TEX101: variants seen among roughly 807,000 people sequenced by gnomAD.
The protein encoded by TEX101 is testis-expressed protein 101.
A neutral mutation model predicts 18.1 loss-of-function variants in TEX101; 10 were observed. The observed-to-expected ratio is 0.55, with a 90% CI of 0.34 to 0.94. The LOEUF (loss-of-function observed/expected upper bound fraction) is 0.94. TEX101 is among the 40% of genes least tolerant of loss of function. The pLI is 0.02. For missense variants in TEX101, 259 were observed against 298.9 expected (o/e 0.87, Z 0.98); for synonymous variants, 94 against 114.8 (o/e 0.82, Z 1.16).
chr19:43,392,979 A>T, the TEX101 span, among the ~76,000 whole-genome samples: 6 of 152,040 alleles, frequency 3.9e-5, no homozygotes, highest in East Asian at 1.2e-3. Context: ...AGTCACTTGA[A>T]CCCAGGAGGC....
At chr19:43,394,587 C>G in the TEX101 span, among the ~76,000 whole-genome samples, 2 of 152,054 alleles carry the variant, frequency 1.3e-5, no homozygotes, top group Middle Eastern at 3.4e-3. Flanking sequence ...TCTCCTGCCT[C>G]GGCCTCTGGA....
the TEX101 span, among the ~76,000 whole-genome samples, chr19:43,391,067 C>T: frequency 6.6e-6 from 1 of 152,196 alleles, no homozygotes; most frequent in African/African-American, 2.4e-5. Context: ...GTTGAAGCAC[C>T]ATCAGAACCA....
the TEX101 span, among the ~76,000 whole-genome samples, chr19:43,394,510 G>A: frequency 8.8e-5 from 13 of 148,118 alleles, no homozygotes; most frequent in African/African-American, 1.8e-4. Context: ...TCACTCTGTC[G>A]CCCAGGCTGG....
At chr19:43,403,333 G>A (rs1970333920) in intron 2 of TEX101, among the ~76,000 whole-genome samples, 1 of 152,176 alleles carries the variant, frequency 6.6e-6, no homozygotes, top group Non-Finnish European at 1.5e-5. Context: ...ACTTCATGCT[G>A]TATCAGTGAA....
At chr19:43,390,703 G>A in the TEX101 span, among the ~76,000 whole-genome samples, 1 of 151,614 alleles carries the variant, frequency 6.6e-6, no homozygotes, top group Non-Finnish European at 1.5e-5. Flanking sequence ...TCCTGACCTC[G>A]TGATCTGCCT....
chr19:43,410,694 A>G (rs1970411111), upstream of TEX101, among the ~76,000 whole-genome samples: 1 of 152,040 alleles, frequency 6.6e-6, no homozygotes, highest in South Asian at 2.1e-4. Context: ...ACACATGCCC[A>G]TGCACACATG....
chr19:43,414,415 G>A (rs976616009), upstream of TEX101, among the ~76,000 whole-genome samples: 3 of 152,162 alleles, frequency 2.0e-5, no homozygotes, highest in Admixed American at 2.0e-4. Flanking sequence ...AGACGCCTGG[G>A]CTGCACAGGG....
the TEX101 span, among the ~76,000 whole-genome samples, chr19:43,394,314 A>G: frequency 3.3e-5 from 5 of 152,030 alleles, no homozygotes; most frequent in Admixed American, 6.6e-5. Flanking sequence ...CTTGAGATGT[A>G]AGCAGATCCT....
In TEX101 at chr19:43,418,206, G is replaced by C. The variant is rs1031846674; in HGVS notation, c.559G>C (p.Ala187Pro). ...GTCTGTGGAGGTCAAAGGCTGTACA[G>C]CCATGATTGGCTGCAGGCTGATGTC... Reference protein sequence around the residue: ...ESSVEVKGCTAMIGCRLMSGI... With the variant: ...ESSVEVKGCTPMIGCRLMSGI... Residue 187 changes from alanine to proline, a missense_variant, in exon 6 of 6, where the codon GCC becomes CCC. By Grantham distance (27) the Ala-to-Pro change is conservative. Coordinates refer to ENST00000598265, the MANE Select transcript of TEX101 (RefSeq NM_001130011.3). The C allele has an allele frequency of 6.2e-7, 1 of 1,614,066 alleles. No individual in the cohort carries two copies. Among genetic ancestry groups the C allele is most frequent in the Non-Finnish European group, 8.5e-7 (1 of 1,180,038 alleles).
intron 3 of TEX101, among the ~76,000 whole-genome samples, chr19:43,408,530 G>A (rs932163268): frequency 3.3e-5 from 5 of 152,108 alleles, no homozygotes; most frequent in Non-Finnish European, 7.4e-5. Flanking sequence ...CGAGTTGGGG[G>A]TGGACAGGGA....
At chr19:43,393,797 G>A in the TEX101 span, among the ~76,000 whole-genome samples, 10 of 150,088 alleles carry the variant, frequency 6.7e-5, no homozygotes, top group Middle Eastern at 3.5e-3. Flanking sequence ...GGTAAGGTGC[G>A]GAGCAGGGGT....
At chr19:43,406,722 G>A (rs1194045895) in intron 3 of TEX101, among the ~76,000 whole-genome samples, 2 of 152,150 alleles carry the variant, frequency 1.3e-5, no homozygotes. Context: ...CAGGAAGACA[G>A]AAGCCTCCCG....
the TEX101 span, among the ~76,000 whole-genome samples, chr19:43,390,428 T>TTCTTTTCTTC: frequency 6.7e-6 from 1 of 148,770 alleles, no homozygotes; most frequent in Non-Finnish European, 1.5e-5. Context: ...AATGACTTTT[T>TTCTTTTCTTC]TCTTTTCTTC....
At chr19:43,404,191 G>A (rs1251420040) in intron 2 of TEX101, among the ~76,000 whole-genome samples, 2 of 151,572 alleles carry the variant, frequency 1.3e-5, no homozygotes, top group African/African-American at 4.9e-5. Flanking sequence ...CTTTATGAAG[G>A]ATTAGGGATA....
chr19:43,411,353 G>C (rs1970417686), upstream of TEX101, among the ~76,000 whole-genome samples: 1 of 152,192 alleles, frequency 6.6e-6, no homozygotes, highest in Non-Finnish European at 1.5e-5. Flanking sequence ...TGGGATTACA[G>C]GCCTGAGCCA....
At chr19:43,391,443 C>T in the TEX101 span, among the ~76,000 whole-genome samples, 2 of 129,290 alleles carry the variant, frequency 1.5e-5, no homozygotes, top group African/African-American at 5.9e-5. Flanking sequence ...GAACAACCAT[C>T]GTAATGGATG....
At chr19:43,413,571 C>G (rs184566050), upstream of TEX101, among the ~76,000 whole-genome samples, 8 of 152,018 alleles carry the variant, frequency 5.3e-5, no homozygotes, top group Admixed American at 3.3e-4. Context: ...CTGAGGCTCC[C>G]GGCCAAATAA....
chr19:43,389,113 C>T, the TEX101 span, among the ~76,000 whole-genome samples: 1 of 152,186 alleles, frequency 6.6e-6, no homozygotes, highest in Non-Finnish European at 1.5e-5. Context: ...CACCTTGGGA[C>T]GGGCATCTGC....
At chr19:43,409,678 A>T (rs1270261795) in intron 3 of TEX101, among the ~76,000 whole-genome samples, 1 of 152,162 alleles carries the variant, frequency 6.6e-6, no homozygotes, top group Non-Finnish European at 1.5e-5. Context: ...CTGAAGCAGG[A>T]GAATTGCTTG....
Sources: gnomAD v4.1 joint callset for allele counts (sites outside exome capture counted in the v4.1 genomes callset) on GRCh38, gnomAD v4.1.1 for gene constraint, MANE v1.5 for transcripts, NCBI Gene and HGNC (gene_info 2026-07-23, HGNC 2026-07-21) for gene names.